Variants in ABLIM3 observed in about 807,000 individuals in gnomAD.
The protein encoded by ABLIM3 is actin binding LIM protein family member 3, also known as actin-binding LIM protein 3.
ABLIM3 carries 61 observed loss-of-function variants against 109.5 expected under a neutral mutation model. The observed-to-expected ratio is 0.56, with a 90% CI of 0.45 to 0.69. The LOEUF (loss-of-function observed/expected upper bound fraction) is 0.69, where lower values mean the gene tolerates loss of function less well. Ranked by LOEUF, ABLIM3 falls within the 30% of genes least tolerant of loss-of-function variation. ABLIM3 has a pLI of 0.00. For synonymous variants in ABLIM3, 300 were observed against 324.8 expected (o/e 0.92, Z 0.82); for missense variants, 796 against 889.5 (o/e 0.89, Z 1.34).
chr5:149,198,266 G>A lies in ABLIM3; in HGVS notation c.199G>A (p.Glu67Lys), dbSNP rs953866469. 3.7e-6 allele frequency: 6 copies of A among 1,614,040 alleles called. No individual in the cohort carries two copies. The African/African-American group carries it at 8.0e-5, about 22-fold the overall frequency. ...GTCAGGCTTCTTCTTCAAGAACCAG[G>A]AGTACATCTGCACCCAGGACTACCA... Reference protein sequence around the residue: ...AQSGFFFKNQEYICTQDYQQL... With the variant: ...AQSGFFFKNQKYICTQDYQQL... The change falls in exon 4 of 24, where the codon GAG (glutamate) becomes AAG (lysine). Residue 67 changes from glutamate to lysine, a missense_variant. By Grantham distance (56) the Glu-to-Lys change is moderately conservative (BLOSUM62 1). Coordinates refer to ENST00000309868, the MANE Select transcript of ABLIM3 (RefSeq NM_014945.5). This position sits in a 1 kb window ranked among gnomAD's most constrained non-coding sequence, Gnocchi z 4.2.
chr5:149,160,104 A>T (rs543931869), intron 2 of ABLIM3, among the ~76,000 whole-genome samples: 1 of 152,298 alleles, frequency 6.6e-6, no homozygotes, highest in Admixed American at 6.5e-5. Context: ...CATAGCAAAC[A>T]TTAGCAAACA....
At chr5:149,243,153 C>T (rs890321210) in intron 15 of ABLIM3, among the ~76,000 whole-genome samples, 1 of 152,180 alleles carries the variant, frequency 6.6e-6, no homozygotes, top group African/African-American at 2.4e-5. Context: ...ACCATCTGCA[C>T]CTGAGAGACA....
At chr5:149,190,877 T>C (rs1313463585) in intron 3 of ABLIM3, among the ~76,000 whole-genome samples, 1 of 152,000 alleles carries the variant, frequency 6.6e-6, no homozygotes, top group East Asian at 1.9e-4. Context: ...TTAATGAAAA[T>C]CAGAAAACTC....
chr5:149,229,817 C>G (rs1761665750), intron 8 of ABLIM3, among the ~76,000 whole-genome samples: 1 of 152,210 alleles, frequency 6.6e-6, no homozygotes, highest in African/African-American at 2.4e-5. Context: ...ATGTGAGCAG[C>G]CACCTGTTGC....
intron 9 of ABLIM3, 77 bp downstream of exon 9, chr5:149,230,784 G>T: frequency 1.3e-6 from 2 of 1,543,564 alleles, no homozygotes; most frequent in South Asian, 1.1e-5. Context: ...GCTGTGCTTT[G>T]GGACAGGGTC....
intron 3 of ABLIM3, among the ~76,000 whole-genome samples, chr5:149,188,597 C>T (rs564126841): frequency 2.7e-4 from 41 of 152,286 alleles, no homozygotes; most frequent in African/African-American, 8.4e-4. Context: ...GCTGCGTCTT[C>T]GCATGGCAGA....
chr5:149,215,256 T>C (rs1759948482), intron 7 of ABLIM3, among the ~76,000 whole-genome samples: 1 of 152,220 alleles, frequency 6.6e-6, no homozygotes, highest in Admixed American at 6.5e-5. Context: ...ATCCTTGTCA[T>C]GGTACAAGGG....
chr5:149,145,948 G>A (rs923357939), intron 2 of ABLIM3, among the ~76,000 whole-genome samples: 2 of 152,064 alleles, frequency 1.3e-5, no homozygotes, highest in Non-Finnish European at 2.9e-5. Flanking sequence ...ACCAGGCCCA[G>A]TTAAGTTTTG....
At position 149,244,899 on chromosome 5, in the gene ABLIM3, C is replaced by A. The variant is rs1033914509; in HGVS notation, c.1370C>A (p.Thr457Asn). ...YKRHGDLSTA[T>N]KSKTSEDISQ... Reference sequence around the variant, plus strand: ...TCTGCAGGTGATTTGTCTACAGCAACCAAGAGCAAAACAAGTGAAGACATC... The same window carrying A: ...TCTGCAGGTGATTTGTCTACAGCAAACAAGAGCAAAACAAGTGAAGACATC... Residue 457 changes from threonine to asparagine, a missense_variant, in exon 16 of 24, where the codon ACC becomes AAC. Physicochemically the swap from Thr to Asn is moderately conservative, Grantham distance 65. Transcript: ENST00000309868. 3 of 1,614,042 alleles carry A rather than the reference C, an allele frequency of 1.9e-6. No individual in the cohort carries two copies. Among genetic ancestry groups the A allele is most frequent in the Admixed American group, 1.7e-5 (1 of 60,008 alleles).
intron 19 of ABLIM3, 107 bp from the exon 20 acceptor site, chr5:149,250,340 T>C: frequency 3.4e-6 from 4 of 1,160,558 alleles, no homozygotes; most frequent in Non-Finnish European, 5.1e-6. Flanking sequence ...CCTCCACCCC[T>C]TCCTGCTAGG....
intron 13 of ABLIM3, among the ~76,000 whole-genome samples, chr5:149,240,183 C>T (rs541562042): frequency 2.6e-5 from 4 of 152,204 alleles, no homozygotes; most frequent in Non-Finnish European, 4.4e-5. Flanking sequence ...CCACCATCCT[C>T]GTGGCCTGCC....
intron 2 of ABLIM3, among the ~76,000 whole-genome samples, chr5:149,172,259 T>G (rs1465393171): frequency 3.3e-5 from 5 of 152,066 alleles, no homozygotes; most frequent in Non-Finnish European, 5.9e-5. Flanking sequence ...AAAAAGAAAA[T>G]AAAATATCAG....
At chr5:149,166,089 T>C (rs1365031848) in intron 2 of ABLIM3, among the ~76,000 whole-genome samples, 4 of 152,182 alleles carry the variant, frequency 2.6e-5, no homozygotes, top group African/African-American at 9.7e-5. Flanking sequence ...TTTTTAAATA[T>C]TTGAGCCAAG....
chr5:149,239,656 C>T (rs548250153), intron 12 of ABLIM3, 103 bp from the exon 13 acceptor site: 43 of 1,474,798 alleles, frequency 2.9e-5, no homozygotes, highest in Admixed American at 7.2e-5. Context: ...ACCTCAAACC[C>T]GAGAATCCCA....
chr5:149,222,144 A>T (rs554737755), intron 8 of ABLIM3, among the ~76,000 whole-genome samples: 9 of 150,396 alleles, frequency 6.0e-5, no homozygotes, highest in African/African-American at 2.2e-4. Flanking sequence ...CCATCATTTT[A>T]TTATTATTAT....
intron 2 of ABLIM3, among the ~76,000 whole-genome samples, chr5:149,152,941 T>A (rs1753567679): frequency 6.6e-6 from 1 of 151,980 alleles, no homozygotes; most frequent in Admixed American, 6.6e-5. Flanking sequence ...TCTTCCTTAT[T>A]CCTCAGGAAG....
At chr5:149,255,228 G>A (rs1001627417) in intron 23 of ABLIM3, among the ~76,000 whole-genome samples, 1 of 152,216 alleles carries the variant, frequency 6.6e-6, no homozygotes, top group Admixed American at 6.5e-5. Flanking sequence ...ACAAGCACTC[G>A]TTTTATGTAC....
chr5:149,168,354 T>C (rs1755020860), intron 2 of ABLIM3, among the ~76,000 whole-genome samples: 1 of 152,174 alleles, frequency 6.6e-6, no homozygotes, highest in Admixed American at 6.5e-5. Context: ...TGAATCTTAA[T>C]TTGTCATGTT....
At chr5:149,257,095 A>G (rs1345094731) in intron 23 of ABLIM3, among the ~76,000 whole-genome samples, 2 of 152,238 alleles carry the variant, frequency 1.3e-5, no homozygotes, top group Admixed American at 1.3e-4. Context: ...GCCTGAGCTC[A>G]GGAGTTCAAG....
Sources: allele counts gnomAD v4.1 joint callset (sites outside exome capture counted in the v4.1 genomes callset), GRCh38; gene constraint gnomAD v4.1.1; non-coding constraint Gnocchi (gnomAD v3.1); transcripts MANE v1.5; gene names NCBI Gene and HGNC (gene_info 2026-07-23, HGNC 2026-07-21).